Variants in FAM120B observed in about 807,000 individuals in gnomAD.
FAM120B encodes the protein family with sequence similarity 120 member B, also known as constitutive coactivator of peroxisome proliferator-activated receptor gamma.
In FAM120B, 83 loss-of-function variants were observed where a neutral mutation model predicts 96.3. The ratio of observed to expected loss-of-function variants is 0.86; its 90% confidence interval spans 0.72 to 1.03. FAM120B has a LOEUF of 1.03. Ranked by LOEUF, FAM120B falls within the 50% of genes least tolerant of loss-of-function variation. FAM120B has a pLI of 0.00. For missense variants in FAM120B, 1,027 were observed against 1,121.2 expected (o/e 0.92, Z 1.20); for synonymous variants, 407 against 402.7 (o/e 1.01, Z -0.13).
At chr6:170,360,544 G>A (rs145835501) in intron 6 of FAM120B, among the ~76,000 whole-genome samples, 47 of 152,256 alleles carry the variant, frequency 3.1e-4, no homozygotes, top group African/African-American at 9.9e-4. Context: ...CCATAAGTAC[G>A]CAGCCATCAC....
At chr6:170,330,201 T>C (rs1785921397) in intron 3 of FAM120B, among the ~76,000 whole-genome samples, 1 of 152,204 alleles carries the variant, frequency 6.6e-6, no homozygotes, top group Admixed American at 6.5e-5. Flanking sequence ...CCCATATTAT[T>C]GTTTACTTAC....
chr6:170,330,854 A>G (rs1785979889), intron 4 of FAM120B: 1 of 320,994 alleles, frequency 3.1e-6, no homozygotes, highest in Non-Finnish European at 5.8e-6. Flanking sequence ...TGGTCAGCGC[A>G]TGTTGCTGCC....
In FAM120B at chr6:170,406,389, G is replaced by A. The variant is rs1054884709; in HGVS notation, c.*1638G>A. ...TTAAAAACAAAATAAGCCCCTGAAC[G>A]TGCTTGCAGGCCAGTTTGTGTGCCT... On this transcript the variant is annotated 3_prime_UTR_variant, in exon 11 of 11. Coordinates refer to ENST00000476287, the MANE Select transcript of FAM120B (RefSeq NM_032448.3). The A allele has an allele frequency of 6.6e-6, 1 of 152,132 alleles. No individual in the cohort carries two copies. Among genetic ancestry groups the A allele is most frequent in the African/African-American group, 2.4e-5 (1 of 41,420 alleles). 9.4% of individuals were successfully genotyped at this position (152,132 alleles called of 1,614,324 possible). A position where few individuals can be genotyped will look rare whatever the true frequency, so the allele number is the denominator to read the frequency against.
chr6:170,377,974 C>G (rs998774292), intron 6 of FAM120B, among the ~76,000 whole-genome samples: 1 of 145,336 alleles, frequency 6.9e-6, no homozygotes, highest in Non-Finnish European at 1.5e-5. Flanking sequence ...GAGCAGTTAA[C>G]TGAAGAAGTT....
At position 170,355,380 on chromosome 6, in the gene FAM120B, G is replaced by A. The variant is rs1469597967; in HGVS notation, c.2191-2846G>A. Among the ~76,000 whole-genome samples, 4 of 152,190 alleles carry A rather than the reference G, an allele frequency of 2.6e-5. No homozygotes were observed. In the South Asian group the frequency reaches 8.3e-4, roughly 32 times the overall value. The stretch of plus-strand genomic sequence containing the variant: ...GTACATATACACCATGGAATACTAT[G>A]CAGCCATAAAAAGGAACTACATCAT... On this transcript the variant is annotated intron_variant, in intron 5 of 10. Transcript: ENST00000476287.
rs1483304643 is a variant in FAM120B at position 170,318,375 on chromosome 6, A to G, written c.985A>G (p.Ile329Val). 1 of 1,614,274 alleles carries G rather than the reference A, an allele frequency of 6.2e-7. No homozygotes were observed. Among genetic ancestry groups the G allele is most frequent in the South Asian group, 1.1e-5 (1 of 91,092 alleles). Reference protein sequence around the residue: ...KGVITLDKQVISTSSDAESRE... With the variant: ...KGVITLDKQVVSTSSDAESRE... ...TGTAATAACTTTGGACAAACAAGTA[A>G]TATCCACGAGTTCAGACGCCGAATC... is the stretch of plus-strand genomic sequence containing the variant. The change falls in exon 2 of 11, where the codon ATA becomes GTA. Residue 329 changes from isoleucine (I) to valine (V), a missense_variant. Coordinates refer to ENST00000476287, the MANE Select transcript of FAM120B (RefSeq NM_032448.3).
chr6:170,303,125 ATT>A (rs765778211), upstream of FAM120B, among the ~76,000 whole-genome samples: 3 of 152,198 alleles, frequency 2.0e-5, no homozygotes, highest in Non-Finnish European at 4.4e-5. Flanking sequence ...GTATTTCTAG[ATT>A]TGTTAACAAA....
chr6:170,296,706 C>T (rs1784019479), intron 1 of FAM120B, among the ~76,000 whole-genome samples: 1 of 152,026 alleles, frequency 6.6e-6, no homozygotes, highest in Non-Finnish European at 1.5e-5. Context: ...GGAGCGCGGC[C>T]CGCCGAGACC....
chr6:170,339,287 A>T (rs907178579), intron 4 of FAM120B, among the ~76,000 whole-genome samples: 1 of 152,154 alleles, frequency 6.6e-6, no homozygotes, highest in Non-Finnish European at 1.5e-5. Context: ...TTGGCTGGAT[A>T]TGAAATTCTG....
intron 2 of FAM120B, among the ~76,000 whole-genome samples, chr6:170,322,596 G>C (rs1043208983): frequency 3.9e-5 from 6 of 152,188 alleles, no homozygotes; most frequent in African/African-American, 1.4e-4. Flanking sequence ...TGCAAGGCTA[G>C]AAAAAGGAGA....
upstream of FAM120B, among the ~76,000 whole-genome samples, chr6:170,291,903 C>T (rs2114970570): frequency 6.6e-6 from 1 of 152,348 alleles, no homozygotes; most frequent in Non-Finnish European, 1.5e-5. Flanking sequence ...CGGGTCTCGG[C>T]CCCTCTCTCC....
At chr6:170,329,563 GC>G (rs1207717642) in intron 3 of FAM120B, among the ~76,000 whole-genome samples, 1 of 151,992 alleles carries the variant, frequency 6.6e-6, no homozygotes, top group African/African-American at 2.4e-5. Flanking sequence ...AAAGTCGAGT[GC>G]TGGAGTGATT....
rs1778788445 is a variant in FAM120B at position 170,405,960 on chromosome 6, A to G, written c.*1209A>G. On this transcript the variant is annotated 3_prime_UTR_variant, in exon 11 of 11. Transcript: ENST00000476287. The stretch of plus-strand genomic sequence containing the variant: ...ATCAGGCCTGGTTTATGATGCCACA[A>G]GTGAATGGCACGTTTGTTCCTCTTT... 6.6e-6 allele frequency: 1 copy of G among 152,216 alleles called. No individual in the cohort carries two copies. Among genetic ancestry groups the G allele is most frequent in the South Asian group, 2.1e-4 (1 of 4,824 alleles). The allele number at this position is 152,216 out of a possible 1,614,324, so 9.4% of individuals were successfully genotyped here.
chr6:170,395,626 C>T (rs1314278555), intron 9 of FAM120B, 47 bp downstream of exon 9: 1 of 1,375,100 alleles, frequency 7.3e-7, no homozygotes. Flanking sequence ...CATGGCACTG[C>T]CTCTCACCTT....
chr6:170,334,311 A>G (rs1231912251), intron 4 of FAM120B, among the ~76,000 whole-genome samples: 1 of 152,250 alleles, frequency 6.6e-6, no homozygotes, highest in Non-Finnish European at 1.5e-5. Context: ...CCAAAATTGC[A>G]GAATATCTTA....
rs990609566 is a variant in FAM120B at position 170,406,163 on chromosome 6, G to A, written c.*1412G>A. The A allele has an allele frequency of 1.3e-5, 2 of 152,204 alleles. No homozygotes were observed. Among genetic ancestry groups the A allele is most frequent in the Admixed American group, 6.5e-5 (1 of 15,276 alleles). The allele number at this position is 152,204 out of a possible 1,614,324, so 9.4% of individuals were successfully genotyped here. On this transcript the variant is annotated 3_prime_UTR_variant, in exon 11 of 11. Coordinates refer to ENST00000476287, the MANE Select transcript of FAM120B (RefSeq NM_032448.3). ...TTGATGATGGAAAAGATTCAAATGA[G>A]GAGTTAGAAGGCAAGCCCTCTGTGG...
upstream of FAM120B, among the ~76,000 whole-genome samples, chr6:170,303,461 C>A (rs553225907): frequency 6.6e-6 from 1 of 152,322 alleles, no homozygotes; most frequent in East Asian, 1.9e-4. Context: ...AGGCTGGTCT[C>A]CAACTCCTGG....
chr6:170,361,214 A>ATATATACGTG (rs1562566822), intron 6 of FAM120B, among the ~76,000 whole-genome samples: 25 of 100,072 alleles, frequency 2.5e-4, no homozygotes, highest in South Asian at 3.8e-4. Flanking sequence ...ATATATATAT[A>ATATATACGTG]TATATATATA....
At chr6:170,356,560 G>A (rs1039744294) in intron 5 of FAM120B, among the ~76,000 whole-genome samples, 1 of 152,152 alleles carries the variant, frequency 6.6e-6, no homozygotes, top group Non-Finnish European at 1.5e-5. Flanking sequence ...GTGAGGGATT[G>A]GTCCCAGGAC....
Sources: gnomAD v4.1 joint callset for allele counts (sites outside exome capture counted in the v4.1 genomes callset) on GRCh38, gnomAD v4.1.1 for gene constraint, MANE v1.5 for transcripts, NCBI Gene and HGNC (gene_info 2026-07-23, HGNC 2026-07-21) for gene names.